The following ATP11A variants were observed in gnomAD, a reference collection of about 807,000 sequenced individuals.
The protein encoded by ATP11A is ATPase phospholipid transporting 11A.
ATP11A carries 81 observed loss-of-function variants against 154.4 expected under a neutral mutation model. The ratio of observed to expected loss-of-function variants is 0.52; its 90% CI spans 0.44 to 0.63. The LOEUF is 0.63. Among genes scored for constraint, ATP11A ranks in the 30% least tolerant of loss-of-function variants. The pLI is 0.00. For synonymous variants in ATP11A, 623 were observed against 585.9 expected (o/e 1.06, Z -0.91); for missense variants, 1,316 against 1,474.3 (o/e 0.89, Z 1.76).
chr13:112,804,936 G>A (rs757583056), intron 2 of ATP11A, 21 bp from the exon 3 acceptor site: 7 of 1,495,706 alleles, frequency 4.7e-6, no homozygotes, highest in African/African-American at 1.4e-5. Flanking sequence ...AATGATGGAT[G>A]TTTGTTTTTC....
chr13:112,773,958 G>A (rs770117760), intron 1 of ATP11A, among the ~76,000 whole-genome samples: 4 of 146,056 alleles, frequency 2.7e-5, no homozygotes, highest in Non-Finnish European at 4.5e-5. Flanking sequence ...AAGGGGTCCC[G>A]GAGGAACTCA....
chr13:112,879,096 G>T (rs570915347), intron 29 of ATP11A, among the ~76,000 whole-genome samples: 11 of 152,320 alleles, frequency 7.2e-5, no homozygotes, highest in Admixed American at 3.3e-4. Flanking sequence ...CTGAAGTCGC[G>T]TTCTGTCTTT....
intron 1 of ATP11A, among the ~76,000 whole-genome samples, chr13:112,709,445 A>G (rs1247848287): frequency 1.3e-5 from 2 of 152,182 alleles, no homozygotes; most frequent in Non-Finnish European, 2.9e-5. Flanking sequence ...GGTCCAGGCA[A>G]TAATCAACTA....
At position 112,872,891 on chromosome 13, in the gene ATP11A, G is replaced by T. The variant is rs1030390311; in HGVS notation, c.3058-682G>T. 5.0e-3 allele frequency among the ~76,000 whole-genome samples: 685 copies of T among 137,006 alleles called. 71 individuals are homozygous for T. The highest frequency in any genetic ancestry group is 0.02 in the African/African-American group (676 of 33,706). The allele number at this position is 137,006 out of a possible 152,430, so 89.9% of individuals were successfully genotyped here. On this transcript the variant is annotated intron_variant, in intron 26 of 29. Transcript: ENST00000375645. ...GAGCTGTGGCTTTGTCTCCCGAACG[G>T]TGTGAGGTGTGGCTTTGTCTTCCTG...
intron 1 of ATP11A, among the ~76,000 whole-genome samples, chr13:112,708,801 C>A (rs535640651): frequency 1.3e-5 from 2 of 152,162 alleles, no homozygotes; most frequent in Non-Finnish European, 2.9e-5. Context: ...CGTCTTCCAA[C>A]GAGTGGCTCT....
At chr13:112,833,749 G>C (rs140875565) in intron 14 of ATP11A, among the ~76,000 whole-genome samples, 7 of 152,288 alleles carry the variant, frequency 4.6e-5, no homozygotes, top group African/African-American at 1.2e-4. Flanking sequence ...CGTTCCATGC[G>C]TAAACCCACA....
chr13:112,778,308 C>G (rs1244371287), intron 1 of ATP11A, among the ~76,000 whole-genome samples: 1 of 152,210 alleles, frequency 6.6e-6, no homozygotes, highest in Non-Finnish European at 1.5e-5. Context: ...TCGTCCAGGT[C>G]AGCGGCTTTG....
intron 1 of ATP11A, among the ~76,000 whole-genome samples, chr13:112,761,027 G>A (rs1387176339): frequency 2.0e-5 from 3 of 152,164 alleles, no homozygotes; most frequent in Non-Finnish European, 4.4e-5. Flanking sequence ...ACCCTTCTGG[G>A]GAGCGTGGTG....
intron 4 of ATP11A, 123 bp from the exon 5 acceptor site, chr13:112,810,496 C>T (rs2078459550): frequency 1.3e-5 from 10 of 767,628 alleles, no homozygotes; most frequent in South Asian, 1.1e-4. Context: ...CTGAAAAATA[C>T]ACCCCCACAG....
At chr13:112,731,670 C>CA (rs1890495025) in intron 1 of ATP11A, among the ~76,000 whole-genome samples, 1 of 152,176 alleles carries the variant, frequency 6.6e-6, no homozygotes, top group Non-Finnish European at 1.5e-5. Flanking sequence ...CAGTAGGTGT[C>CA]ACTTATGTTC....
chr13:112,866,311 C>G (rs1047401352), intron 25 of ATP11A, among the ~76,000 whole-genome samples: 4 of 152,156 alleles, frequency 2.6e-5, no homozygotes, highest in African/African-American at 7.2e-5. Flanking sequence ...CCCCACACAC[C>G]CCAGAGCTAG....
rs540383716 is a variant in ATP11A at position 112,850,107 on chromosome 13, A to G, written c.1810-930A>G. Reference sequence around the variant, plus strand: ...GGCAATTCTGTCCACACCAGTTAAGAGGTCGGAACTAGTGATAAATATGAG... The same window carrying G: ...GGCAATTCTGTCCACACCAGTTAAGGGGTCGGAACTAGTGATAAATATGAG... On this transcript the variant is annotated intron_variant, in intron 17 of 29. Transcript: ENST00000375645. 2.6e-4 allele frequency among the ~76,000 whole-genome samples: 40 copies of G among 152,330 alleles called. No homozygotes were observed. In the South Asian group the frequency reaches 3.1e-3, roughly 12 times the overall value.
At chr13:112,738,935 G>A (rs746707162) in intron 1 of ATP11A, among the ~76,000 whole-genome samples, 1 of 152,058 alleles carries the variant, frequency 6.6e-6, no homozygotes, top group African/African-American at 2.4e-5. Flanking sequence ...AGGAAGTGGC[G>A]TCTCACCTGT....
At chr13:112,698,083 G>A (rs902362217) in intron 1 of ATP11A, among the ~76,000 whole-genome samples, 2 of 152,146 alleles carry the variant, frequency 1.3e-5, no homozygotes, top group African/African-American at 4.8e-5. Flanking sequence ...CTGCACGGGC[G>A]CACTCAGCAG....
Position 112,871,602 on chromosome 13 carries a change from T to C in ATP11A, c.2992-133T>C, listed in dbSNP as rs1268560407. 5.0e-6 allele frequency: 4 copies of C among 807,186 alleles called. No homozygotes were observed. The African/African-American group carries it at 5.1e-5, about 10-fold the overall frequency. 50.0% of individuals were successfully genotyped at this position (807,186 alleles called of 1,614,324 possible). On this transcript the variant is annotated intron_variant, in intron 25 of 29. Transcript: ENST00000375645. Reference sequence around the variant, plus strand: ...TCTTTTACGGGATAATAAGAAAATATAGTGCTTATATCTTTGGGGTTTGAA... The same window carrying C: ...TCTTTTACGGGATAATAAGAAAATACAGTGCTTATATCTTTGGGGTTTGAA...
In ATP11A at chr13:112,858,102, G is replaced by A. The variant is rs151133231; in HGVS notation, c.2522-43G>A. 159 of 1,604,056 alleles carry A rather than the reference G, an allele frequency of 9.9e-5. 1 individual carries two copies. In the African/African-American group the frequency reaches 1.9e-3, roughly 19 times the overall value. ...TCCCCGTCCCTGCCCTGTGTGTGGTGTGCAGAAAGCATTTCTTCAGCTCCT... is the reference window on the plus strand; with the variant it reads ...TCCCCGTCCCTGCCCTGTGTGTGGTATGCAGAAAGCATTTCTTCAGCTCCT... On this transcript the variant is annotated intron_variant, in intron 21 of 29. Transcript: ENST00000375645.
intron 1 of ATP11A, among the ~76,000 whole-genome samples, chr13:112,711,110 C>CCAGCA (rs1887694827): frequency 6.6e-6 from 1 of 152,146 alleles, no homozygotes. Context: ...CCCAGGGGAC[C>CCAGCA]CGTCCTGCGT....
chr13:112,867,426 CT>C (rs2080372178), intron 25 of ATP11A, among the ~76,000 whole-genome samples: 2 of 152,218 alleles, frequency 1.3e-5, no homozygotes, highest in Non-Finnish European at 2.9e-5. Context: ...CGGAGATGGA[CT>C]TCAGGGGCAA....
intron 1 of ATP11A, among the ~76,000 whole-genome samples, chr13:112,767,717 C>T (rs2077129287): frequency 6.6e-6 from 1 of 152,074 alleles, no homozygotes; most frequent in South Asian, 2.1e-4. Context: ...CTTTACTTTC[C>T]CCACTTGGCC....
Sources: gnomAD v4.1 joint callset for allele counts (sites outside exome capture counted in the v4.1 genomes callset) on GRCh38, gnomAD v4.1.1 for gene constraint, MANE v1.5 for transcripts, NCBI Gene and HGNC (gene_info 2026-07-23, HGNC 2026-07-21) for gene names.